The following DCDC1 variants were observed in gnomAD, a reference collection of about 807,000 sequenced individuals.
DCDC1 encodes doublecortin domain-containing protein 1.
DCDC1 carries 200 observed loss-of-function variants against 178.3 expected under a neutral mutation model. That is an observed-to-expected ratio of 1.12 (90% CI 1.00 to 1.26). The LOEUF (loss-of-function observed/expected upper bound fraction) is 1.26. DCDC1 is among the 50% of genes most tolerant of loss of function. The pLI is 0.00. For synonymous variants in DCDC1, 690 were observed against 604.8 expected, an observed-to-expected ratio of 1.14 and a Z score of -2.07; for missense variants, 1,983 against 1,749.2, an observed-to-expected ratio of 1.13 and a Z score of -2.38.
intron 7 of DCDC1, among the ~76,000 whole-genome samples, chr11:31,268,755 G>C (rs537771395): frequency 6.6e-6 from 1 of 152,208 alleles, no homozygotes; most frequent in African/African-American, 2.4e-5. Context: ...GGGATTGCTG[G>C]GTCAAATGGT....
intron 7 of DCDC1, among the ~76,000 whole-genome samples, chr11:31,270,735 T>C (rs1055316392): frequency 2.6e-5 from 4 of 152,208 alleles, no homozygotes; most frequent in Admixed American, 6.5e-5. Context: ...AACCCTCTTA[T>C]TGAACAAAAA....
rs569399273 is a variant in DCDC1 at position 31,287,333 on chromosome 11, G to A, written c.960+3314C>T. On this transcript the variant is annotated intron_variant, in intron 7 of 38. Transcript: ENST00000684477. ...GAGGCAAAGATAAGCAAATCTCCCA[G>A]ATAAGAAAATTAGAAGTTCAGTTCG... 4.6e-5 allele frequency among the ~76,000 whole-genome samples: 7 copies of A among 151,808 alleles called. No homozygotes were observed. In the South Asian group the frequency reaches 1.2e-3, roughly 27 times the overall value.
intron 6 of DCDC1, among the ~76,000 whole-genome samples, chr11:31,302,985 T>C (rs1182182532): frequency 2.0e-5 from 3 of 152,210 alleles, no homozygotes; most frequent in Non-Finnish European, 4.4e-5. Flanking sequence ...TGTTGTAAAA[T>C]AGTATTCTCA....
At chr11:31,360,847 C>T (rs754607112) in intron 1 of DCDC1, among the ~76,000 whole-genome samples, 15 of 152,152 alleles carry the variant, frequency 9.9e-5, no homozygotes, top group African/African-American at 2.9e-4. Context: ...ATTCTGATTC[C>T]GTAAGTTTTA....
chr11:31,335,756 G>C (rs1479447813), intron 1 of DCDC1, among the ~76,000 whole-genome samples, 192 bp from the exon 2 acceptor site: 1 of 152,032 alleles, frequency 6.6e-6, no homozygotes, highest in Non-Finnish European at 1.5e-5. Context: ...TGGAGGCTGG[G>C]GACCCCTGAT....
intron 20 of DCDC1, among the ~76,000 whole-genome samples, chr11:31,061,392 T>C (rs1955909839): frequency 6.6e-6 from 1 of 152,154 alleles, no homozygotes; most frequent in South Asian, 2.1e-4. Flanking sequence ...CACAACTTAT[T>C]TTATCGAAGC....
intron 1 of DCDC1, among the ~76,000 whole-genome samples, chr11:31,348,181 T>C (rs1950904745): frequency 1.3e-5 from 2 of 152,218 alleles, no homozygotes; most frequent in South Asian, 4.1e-4. Flanking sequence ...TGACTTCCTA[T>C]CTATCATCAA....
chr11:31,136,899 G>C (rs1421164932), intron 10 of DCDC1, among the ~76,000 whole-genome samples: 1 of 152,124 alleles, frequency 6.6e-6, no homozygotes, highest in Admixed American at 6.6e-5. Flanking sequence ...ATTGCCTACA[G>C]AATCTTCTGA....
chr11:30,906,797 A>G (rs1288475794), intron 29 of DCDC1, 72 bp from the exon 30 acceptor site: 3 of 1,363,072 alleles, frequency 2.2e-6, no homozygotes, highest in East Asian at 2.4e-5. Context: ...AGAACATTTT[A>G]CAATATAAAT....
chr11:31,062,919 T>C (rs1408678954), intron 20 of DCDC1, among the ~76,000 whole-genome samples: 3 of 149,626 alleles, frequency 2.0e-5, no homozygotes, highest in Non-Finnish European at 4.5e-5. Flanking sequence ...TAGCATTAGG[T>C]ATATCTCCTA....
At position 30,920,721 on chromosome 11, in the gene DCDC1, T is replaced by A. The variant is rs1043112236; in HGVS notation, c.3293+55A>T. On this transcript the variant is annotated intron_variant, in intron 25 of 38. Coordinates refer to ENST00000684477, the MANE Select transcript of DCDC1 (RefSeq NM_001387274.1). The stretch of plus-strand genomic sequence containing the variant: ...GGGCTCTGTGCTGTTATCGGGCTAA[T>A]GAGCTGAGTTCAAAAAGCAGCCAGG... 4 of 1,592,958 alleles carry A rather than the reference T, an allele frequency of 2.5e-6. No individual in the cohort carries two copies. The African/African-American group carries it at 4.0e-5, about 16-fold the overall frequency.
intron 7 of DCDC1, among the ~76,000 whole-genome samples, chr11:31,270,825 A>G (rs1945497808): frequency 6.6e-6 from 1 of 152,094 alleles, no homozygotes; most frequent in Admixed American, 6.5e-5. Context: ...TTCTTCCTCA[A>G]TCTTAGATAA....
chr11:31,280,358 C>G (rs1946337338), intron 7 of DCDC1, among the ~76,000 whole-genome samples: 1 of 152,112 alleles, frequency 6.6e-6, no homozygotes, highest in Non-Finnish European at 1.5e-5. Flanking sequence ...AACCAATCAC[C>G]AGTAAGTTTT....
At chr11:31,294,440 A>T (rs1284229086) in intron 6 of DCDC1, among the ~76,000 whole-genome samples, 1 of 150,676 alleles carries the variant, frequency 6.6e-6, no homozygotes, top group Non-Finnish European at 1.5e-5. Context: ...AAAACTAGCC[A>T]GGCATTGTGG....
intron 20 of DCDC1, among the ~76,000 whole-genome samples, chr11:30,977,669 C>T (rs1470968571): frequency 1.3e-5 from 2 of 152,112 alleles, no homozygotes. Flanking sequence ...GTGGCTCGCA[C>T]CTGTAATCCC....
intron 7 of DCDC1, among the ~76,000 whole-genome samples, chr11:31,274,699 CTTTTTTT>C (rs72501499): frequency 5.3e-4 from 70 of 132,074 alleles, no homozygotes; most frequent in Non-Finnish European, 8.8e-4. Flanking sequence ...TCACAAATGT[CTTTTTTT>C]TTTTTTTTTT....
chr11:31,149,476 T>G (rs1964894903), intron 9 of DCDC1, among the ~76,000 whole-genome samples: 1 of 151,868 alleles, frequency 6.6e-6, no homozygotes, highest in South Asian at 2.1e-4. Flanking sequence ...AATAAGAGAA[T>G]AAAAGCTGGC....
At chr11:30,959,075 G>A (rs1319263799) in intron 20 of DCDC1, among the ~76,000 whole-genome samples, 2 of 152,150 alleles carry the variant, frequency 1.3e-5, no homozygotes, top group Admixed American at 1.3e-4. Context: ...CCAAGAATAA[G>A]AGAAATCTAA....
intron 10 of DCDC1, among the ~76,000 whole-genome samples, chr11:31,133,816 G>A (rs1962775272): frequency 6.6e-6 from 1 of 152,100 alleles, no homozygotes; most frequent in East Asian, 1.9e-4. Flanking sequence ...TGATTCTCCT[G>A]CCTCAGCCTC....
Sources: allele counts gnomAD v4.1 joint callset (sites outside exome capture counted in the v4.1 genomes callset), GRCh38; gene constraint gnomAD v4.1.1; transcripts MANE v1.5; gene names NCBI Gene and HGNC (gene_info 2026-07-23, HGNC 2026-07-21).